BRINP3: variants seen among roughly 807,000 people sequenced by gnomAD.
BRINP3 encodes BMP/retinoic acid-inducible neural-specific protein 3.
In BRINP3, 19 loss-of-function variants were observed where a neutral mutation model predicts 71.0. The observed-to-expected ratio is 0.27, with a 90% confidence interval of 0.19 to 0.39. The LOEUF is 0.39. Among genes scored for constraint, BRINP3 ranks in the 10% least tolerant of loss-of-function variants. BRINP3 has a pLI of 1.00. For missense variants in BRINP3, 959 were observed against 940.8 expected (o/e 1.02, Z -0.25); for synonymous variants, 380 against 337.7 (o/e 1.13, Z -1.37).
intron 2 of BRINP3, among the ~76,000 whole-genome samples, chr1:190,338,009 T>C (rs1306901707): frequency 1.3e-5 from 2 of 152,084 alleles, no homozygotes; most frequent in Non-Finnish European, 2.9e-5. Flanking sequence ...TCAACTATAC[T>C]TTAAAAACTT....
intron 2 of BRINP3, among the ~76,000 whole-genome samples, chr1:190,322,548 T>A (rs1666314199): frequency 6.6e-6 from 1 of 151,952 alleles, no homozygotes; most frequent in South Asian, 2.1e-4. Flanking sequence ...TATCCTAGAA[T>A]ATTCATCACC....
At chr1:190,296,352 G>T (rs1664254577) in intron 2 of BRINP3, among the ~76,000 whole-genome samples, 1 of 151,820 alleles carries the variant, frequency 6.6e-6, no homozygotes, top group African/African-American at 2.4e-5. Context: ...CAGATAAAGG[G>T]TTTCACAAAA....
At chr1:190,218,840 T>G (rs1571394995) in intron 6 of BRINP3, among the ~76,000 whole-genome samples, 3 of 152,116 alleles carry the variant, frequency 2.0e-5, no homozygotes, top group Admixed American at 2.0e-4. Context: ...CTACATTTAC[T>G]AACTCTTCCT....
intron 7 of BRINP3, among the ~76,000 whole-genome samples, chr1:190,158,247 C>A (rs1657037960): frequency 6.6e-6 from 1 of 152,058 alleles, no homozygotes; most frequent in Non-Finnish European, 1.5e-5. Context: ...TCTTTGCCTG[C>A]TGCCATTCAT....
chr1:190,199,778 A>AC (rs1553258125), intron 6 of BRINP3, among the ~76,000 whole-genome samples: 3 of 150,936 alleles, frequency 2.0e-5, no homozygotes, highest in East Asian at 1.9e-4. Flanking sequence ...TAGGAAAAAA[A>AC]AAAAAACAAA....
intron 1 of BRINP3, among the ~76,000 whole-genome samples, chr1:190,464,145 T>TA (rs1310704664): frequency 3.6e-4 from 55 of 151,146 alleles, no homozygotes; most frequent in African/African-American, 1.2e-3. Flanking sequence ...GTGTTTTTTT[T>TA]TAAAAAAAAA....
At position 190,301,166 on chromosome 1, in the gene BRINP3, C is replaced by CATATATATGT. The variant is rs1374068147; in HGVS notation, c.237-19417_237-19416insACATATATAT. ...ATATACACACATACATATATATATA[C>CATATATATGT]ATATATATACATATATATATGTATA... On this transcript the variant is annotated intron_variant, in intron 2 of 7. Transcript: ENST00000367462. Among the ~76,000 whole-genome samples, 123 of 38,038 alleles carry CATATATATGT rather than the reference C, an allele frequency of 3.2e-3. 2 individuals carry two copies. The East Asian group carries it at 0.045, about 14-fold the overall frequency. The allele number at this position is 38,038 out of a possible 152,430, so 25.0% of individuals were successfully genotyped here.
At chr1:190,365,553 T>C (rs899876334) in intron 2 of BRINP3, among the ~76,000 whole-genome samples, 2 of 147,474 alleles carry the variant, frequency 1.4e-5, no homozygotes, top group Non-Finnish European at 3.0e-5. Context: ...TTAATTACAA[T>C]ATAATTATAT....
rs534251325 is a variant in BRINP3, at chr1:190,142,310, A to G, written c.1184+18358T>C. Reference sequence around the variant, plus strand: ...CATTTTACATAACCTGATATATGAAAGGTCAAGAAGCACCTGAAATGATAA... The same window carrying G: ...CATTTTACATAACCTGATATATGAAGGGTCAAGAAGCACCTGAAATGATAA... On this transcript the variant is annotated intron_variant, in intron 7 of 7. Transcript: ENST00000367462. Among the ~76,000 whole-genome samples the G allele has an allele frequency of 2.6e-5, 4 of 152,354 alleles. No homozygotes were observed. The East Asian group carries it at 7.7e-4, about 29-fold the overall frequency.
intron 2 of BRINP3, among the ~76,000 whole-genome samples, chr1:190,364,867 C>T (rs756678825): frequency 6.6e-6 from 1 of 152,012 alleles, no homozygotes; most frequent in Non-Finnish European, 1.5e-5. Context: ...GAGAATGGAA[C>T]AAGTTACTGA....
chr1:190,118,406 T>A (rs1213804433), intron 7 of BRINP3, among the ~76,000 whole-genome samples: 1 of 152,146 alleles, frequency 6.6e-6, no homozygotes, highest in Non-Finnish European at 1.5e-5. Context: ...AATAAATAAA[T>A]GTTTCATAAG....
At chr1:190,271,493 C>T (rs186613188) in intron 3 of BRINP3, among the ~76,000 whole-genome samples, 2 of 151,434 alleles carry the variant, frequency 1.3e-5, no homozygotes, top group African/African-American at 2.4e-5. Context: ...CTTTTATTCA[C>T]CACTATTATT....
chr1:190,436,721 C>G (rs1002970729), intron 2 of BRINP3, among the ~76,000 whole-genome samples: 3 of 151,586 alleles, frequency 2.0e-5, no homozygotes, highest in Admixed American at 2.0e-4. Flanking sequence ...TCATATCAAG[C>G]AAATAGAATC....
At chr1:190,331,009 A>G (rs535282490) in intron 2 of BRINP3, among the ~76,000 whole-genome samples, 2 of 152,030 alleles carry the variant, frequency 1.3e-5, no homozygotes, top group East Asian at 1.9e-4. Flanking sequence ...TTGAAAATCC[A>G]TATATTGATC....
intron 2 of BRINP3, among the ~76,000 whole-genome samples, chr1:190,408,840 A>G (rs1672473664): frequency 6.6e-6 from 1 of 152,198 alleles, no homozygotes; most frequent in Non-Finnish European, 1.5e-5. Context: ...CTTAGTTGGA[A>G]TGGTACAATA....
At chr1:190,453,588 G>A (rs1365426614) in intron 2 of BRINP3, among the ~76,000 whole-genome samples, 1 of 152,094 alleles carries the variant, frequency 6.6e-6, no homozygotes, top group Non-Finnish European at 1.5e-5. Context: ...TGACTGCATG[G>A]AATAAGGGAT....
At chr1:190,462,200 C>T (rs1443721551) in intron 1 of BRINP3, among the ~76,000 whole-genome samples, 2 of 152,036 alleles carry the variant, frequency 1.3e-5, no homozygotes, top group African/African-American at 2.4e-5. Flanking sequence ...GCATGAGACA[C>T]CATACCTGGC....
chr1:190,121,673 CT>C (rs1489090761), intron 7 of BRINP3, among the ~76,000 whole-genome samples: 1 of 152,030 alleles, frequency 6.6e-6, no homozygotes, highest in Non-Finnish European at 1.5e-5. Context: ...GCAGTAAGTT[CT>C]TATTGAGTTC....
intron 2 of BRINP3, among the ~76,000 whole-genome samples, chr1:190,376,002 A>G (rs1670161773): frequency 6.6e-6 from 1 of 152,038 alleles, no homozygotes; most frequent in Non-Finnish European, 1.5e-5. Context: ...TCTGACAGCA[A>G]AAGTATATTT....
Sources: gnomAD v4.1 joint callset for allele counts (sites outside exome capture counted in the v4.1 genomes callset) on GRCh38, gnomAD v4.1.1 for gene constraint, MANE v1.5 for transcripts, NCBI Gene and HGNC (gene_info 2026-07-23, HGNC 2026-07-21) for gene names.